D2HGDH: variants seen among roughly 807,000 people sequenced by gnomAD.
D2HGDH encodes the protein D-2-hydroxyglutarate dehydrogenase, also known as D-2-hydroxyglutarate dehydrogenase, mitochondrial.
In D2HGDH, 31 loss-of-function variants were observed where a neutral mutation model predicts 46.9. The observed-to-expected ratio is 0.66, with a 90% CI of 0.50 to 0.89. The LOEUF (loss-of-function observed/expected upper bound fraction) is 0.89. D2HGDH is among the 40% of genes least tolerant of loss of function. The pLI is 0.00. For synonymous variants in D2HGDH, 364 were observed against 332.6 expected, an observed-to-expected ratio of 1.09 and a Z score of -1.03; for missense variants, 698 against 720.8, an observed-to-expected ratio of 0.97 and a Z score of 0.36.
chr2:241,734,989 G>T lies in D2HGDH; in HGVS notation c.-92-144G>T, dbSNP rs1692351931. On this transcript the variant is annotated intron_variant, in intron 1 of 9. Transcript: ENST00000321264. The stretch of plus-strand genomic sequence containing the variant: ...CTGCTGCGTGGGGCTTCGCGCGCTC[G>T]CGGGGTTGCGGCCCGGGCAGGGGGA... The T allele has an allele frequency of 5.8e-6, 3 of 516,436 alleles. No homozygotes were observed. In the South Asian group the frequency reaches 8.7e-5, roughly 15 times the overall value. The allele number at this position is 516,436 out of a possible 1,614,324, so 32.0% of individuals were successfully genotyped here.
intron 8 of D2HGDH, among the ~76,000 whole-genome samples, chr2:241,753,597 G>T (rs1288508479): frequency 6.6e-6 from 1 of 152,200 alleles, no homozygotes; most frequent in Non-Finnish European, 1.5e-5. Flanking sequence ...CCGCTGCCGC[G>T]GGGGCCCTGT....
chr2:241,759,016 G>C (rs1698483183), intron 9 of D2HGDH, among the ~76,000 whole-genome samples: 1 of 152,090 alleles, frequency 6.6e-6, no homozygotes, highest in Non-Finnish European at 1.5e-5. Flanking sequence ...TCCAAACGTG[G>C]TGGTTTTCTA....
chr2:241,750,879 T>TCCA (rs1697067275), intron 7 of D2HGDH, among the ~76,000 whole-genome samples: 1 of 152,130 alleles, frequency 6.6e-6, no homozygotes, highest in Admixed American at 6.6e-5. Context: ...TGCCTCAGCC[T>TCCA]CCTGAGTAGC....
chr2:241,742,381 T>TGGCGTAGGGGTGGGGAC lies in D2HGDH; in HGVS notation c.351-52_351-51insCGTAGGGGTGGGGACGG. On this transcript the variant is annotated intron_variant, in intron 3 of 9. Transcript: ENST00000321264. This position sits in a 1 kb window ranked among gnomAD's most constrained non-coding sequence, Gnocchi z 4.8. ...TGGTCCTGCGGCGTGTCCTTGGGGA[T>TGGCGTAGGGGTGGGGAC]GGTGGCGTAGGGGTGGGGACAGAGC... 6.5e-7 allele frequency: 1 copy of TGGCGTAGGGGTGGGGAC among 1,550,266 alleles called. No individual in the cohort carries two copies. The highest frequency in any genetic ancestry group is 8.7e-7 in the Non-Finnish European group (1 of 1,143,774).
In D2HGDH at chr2:241,742,353, C is replaced by T. The variant is rs1694702865; in HGVS notation, c.351-82C>T. 2 of 1,503,844 alleles carry T rather than the reference C, an allele frequency of 1.3e-6. No homozygotes were observed. Among genetic ancestry groups the T allele is most frequent in the African/African-American group, 1.4e-5 (1 of 72,232 alleles). 93.2% of individuals were successfully genotyped at this position (1,503,844 alleles called of 1,614,324 possible). On this transcript the variant is annotated intron_variant, in intron 3 of 9. Transcript: ENST00000321264. This position sits in a 1 kb window ranked among gnomAD's most constrained non-coding sequence, Gnocchi z 4.8. ...AGGGTAATCAGGATTTGGAGTCAGG[C>T]ACTGGTCCTGCGGCGTGTCCTTGGG...
chr2:241,751,428 G>T (rs371533312), intron 8 of D2HGDH, 40 bp downstream of exon 8: 19 of 1,609,232 alleles, frequency 1.2e-5, no homozygotes, highest in Middle Eastern at 1.9e-4. Context: ...CTCTCTGTCC[G>T]TCCAGTCCAG....
intron 2 of D2HGDH, among the ~76,000 whole-genome samples, chr2:241,740,754 G>A (rs1424948938): frequency 6.6e-6 from 1 of 152,202 alleles, no homozygotes; most frequent in African/African-American, 2.4e-5. Context: ...AGACCAGCCT[G>A]GCCAATGTGG....
intron 9 of D2HGDH, among the ~76,000 whole-genome samples, chr2:241,758,974 C>T (rs531260848): frequency 1.3e-5 from 2 of 152,088 alleles, no homozygotes; most frequent in African/African-American, 4.8e-5. Context: ...CTTCTTTGAC[C>T]GATGAGTTAT....
At chr2:241,764,358 A>C (rs1215981692) in intron 9 of D2HGDH, among the ~76,000 whole-genome samples, 1 of 152,276 alleles carries the variant, frequency 6.6e-6, no homozygotes, top group African/African-American at 2.4e-5. Flanking sequence ...ACAGAGGCTC[A>C]TGACGTGCAT....
At chr2:241,763,443 G>A (rs1699007386) in intron 9 of D2HGDH, among the ~76,000 whole-genome samples, 1 of 152,210 alleles carries the variant, frequency 6.6e-6, no homozygotes, top group African/African-American at 2.4e-5. Context: ...CACCTGCCTG[G>A]GGTGCCCATC....
chr2:241,755,510 C>G, intron 8 of D2HGDH: 8 of 1,355,744 alleles, frequency 5.9e-6, no homozygotes, highest in Non-Finnish European at 7.8e-6. Flanking sequence ...ATGGCTGTCC[C>G]CCTTCTGTGA....
At chr2:241,751,649 G>C (rs564868755) in intron 8 of D2HGDH, among the ~76,000 whole-genome samples, 1 of 152,366 alleles carries the variant, frequency 6.6e-6, no homozygotes, top group South Asian at 2.1e-4. Flanking sequence ...TGAGCAAGGG[G>C]ACTGCCCCAT....
chr2:241,739,773 G>A (rs921739017), intron 2 of D2HGDH, among the ~76,000 whole-genome samples: 1 of 152,230 alleles, frequency 6.6e-6, no homozygotes, highest in Non-Finnish European at 1.5e-5. Context: ...GTGAGAAGCC[G>A]AGAGCCCACA....
chr2:241,744,540 G>T (rs552592228), intron 5 of D2HGDH, among the ~76,000 whole-genome samples, 169 bp from the exon 6 acceptor site: 1 of 152,348 alleles, frequency 6.6e-6, no homozygotes, highest in African/African-American at 2.4e-5. Flanking sequence ...TGCCCCCTGG[G>T]CAGTGAGCTG....
intron 2 of D2HGDH, chr2:241,736,043 G>T: frequency 6.1e-6 from 1 of 165,046 alleles, no homozygotes; most frequent in South Asian, 1.4e-4. Context: ...TTACAGGCGT[G>T]AGCCACCCCG....
chr2:241,749,174 C>CG, intron 6 of D2HGDH: 1 of 834,156 alleles, frequency 1.2e-6, no homozygotes, highest in Non-Finnish European at 1.6e-6. Flanking sequence ...TGCCCAGTCC[C>CG]CACCGCCAGA....
chr2:241,744,994 T>G, intron 6 of D2HGDH, 117 bp downstream of exon 6: 51 of 1,355,314 alleles, frequency 3.8e-5, no homozygotes, highest in Non-Finnish European at 4.8e-5. Flanking sequence ...GGACAGTCGG[T>G]TCCCGTGTCT....
In D2HGDH at chr2:241,742,146, G is replaced by T. The variant is rs1415329820; in HGVS notation, c.351-289G>T. The stretch of plus-strand genomic sequence containing the variant: ...CCCTCTGTGAGCATGGTGTGAACGG[G>T]AAGGATGGGAGCCGGGCGTGTAGGA... On this transcript the variant is annotated intron_variant, in intron 3 of 9. Coordinates refer to ENST00000321264, the MANE Select transcript of D2HGDH (RefSeq NM_152783.5). The surrounding 1 kb of genome is among the most constrained non-coding windows in gnomAD (Gnocchi z 4.8). Among the ~76,000 whole-genome samples, 1 of 152,152 alleles carries T rather than the reference G, an allele frequency of 6.6e-6. No homozygotes were observed. Among genetic ancestry groups the T allele is most frequent in the Non-Finnish European group, 1.5e-5 (1 of 68,024 alleles).
chr2:241,751,606 C>G lies in D2HGDH; in HGVS notation c.1140+218C>G, dbSNP rs4073694. On this transcript the variant is annotated intron_variant, in intron 8 of 9. Transcript: ENST00000321264. ...TAATATTTAAAAAGTACTTCCTCCC[C>G]ACCATGACCCTCCCCAACCCCATGC... is the stretch of plus-strand genomic sequence containing the variant. 0.35 allele frequency among the ~76,000 whole-genome samples: 53,838 copies of G among 152,100 alleles called. 9,911 individuals carry two copies. Among genetic ancestry groups the G allele is most frequent in the African/African-American group, 0.45 (18,634 of 41,494 alleles).
Sources: allele counts gnomAD v4.1 joint callset (sites outside exome capture counted in the v4.1 genomes callset), GRCh38; gene constraint gnomAD v4.1.1; non-coding constraint Gnocchi (gnomAD v3.1); transcripts MANE v1.5; gene names NCBI Gene and HGNC (gene_info 2026-07-23, HGNC 2026-07-21).